The following GLRA3 variants were observed in gnomAD, a reference collection of about 807,000 sequenced individuals.
The protein encoded by GLRA3 is glycine receptor subunit alpha-3.
A neutral mutation model predicts 60.4 loss-of-function variants in GLRA3; 44 were observed. The observed-to-expected ratio is 0.73, with a 90% CI of 0.57 to 0.94. The LOEUF (loss-of-function observed/expected upper bound fraction) is 0.94, where lower values mean the gene tolerates loss of function less well. GLRA3 is among the 40% of genes least tolerant of loss of function. The probability of loss-of-function intolerance (pLI) is 0.00; values close to 1 mark genes in which losing one functional copy is unlikely to be tolerated. For missense variants in GLRA3, 508 were observed against 564.6 expected (o/e 0.90, Z 1.02); for synonymous variants, 223 against 192.9 (o/e 1.16, Z -1.29).
At chr4:174,698,442 G>A (rs2111038169) in intron 5 of GLRA3, among the ~76,000 whole-genome samples, 1 of 152,186 alleles carries the variant, frequency 6.6e-6, no homozygotes, top group South Asian at 2.1e-4. Context: ...TCCCACTTCA[G>A]CCTCCCAAAT....
Position 174,719,765 on chromosome 4 carries a change from T to C in GLRA3, c.492-4195A>G, listed in dbSNP as rs536250913. 2.4e-4 allele frequency among the ~76,000 whole-genome samples: 36 copies of C among 152,160 alleles called. 2 individuals are homozygous for C. Among genetic ancestry groups the C allele is most frequent in the Admixed American group, 5.9e-4 (9 of 15,276 alleles). On this transcript the variant is annotated intron_variant, in intron 4 of 9. Coordinates refer to ENST00000274093, the MANE Select transcript of GLRA3 (RefSeq NM_006529.4). The stretch of plus-strand genomic sequence containing the variant: ...AAAGCAATCTCATTATTGTTGATGG[T>C]TTCTTTATGAAGCTATGGACCGCTT...
chr4:174,771,204 CA>C (rs1738372052), intron 2 of GLRA3, among the ~76,000 whole-genome samples: 1 of 151,854 alleles, frequency 6.6e-6, no homozygotes, highest in South Asian at 2.1e-4. Context: ...GCACATTGTG[CA>C]CATGTAACTT....
At chr4:174,646,363 G>A (rs1276853544) in intron 9 of GLRA3, among the ~76,000 whole-genome samples, 1 of 152,188 alleles carries the variant, frequency 6.6e-6, no homozygotes, top group Non-Finnish European at 1.5e-5. Context: ...ATAGCTGAGG[G>A]TGAGTAAAGA....
rs1455747183 is a variant in GLRA3, at chr4:174,760,614, G to T, written c.267+6349C>A. Among the ~76,000 whole-genome samples, 6 of 152,156 alleles carry T rather than the reference G, an allele frequency of 3.9e-5. No individual in the cohort carries two copies. In the East Asian group the frequency reaches 9.7e-4, roughly 25 times the overall value. ...CAGCTGGCTGCAAACTCCGCCTCCT[G>T]GGTTCAAGCAATTCTCCTGCCTCAG... On this transcript the variant is annotated intron_variant, in intron 3 of 9. Transcript: ENST00000274093.
intron 6 of GLRA3, among the ~76,000 whole-genome samples, chr4:174,680,425 T>C (rs188002090): frequency 9.9e-5 from 15 of 152,248 alleles, no homozygotes; most frequent in Admixed American, 8.5e-4. Flanking sequence ...TAATTTCAGA[T>C]GGTGAAAGCA....
intron 6 of GLRA3, 109 bp from the exon 7 acceptor site, chr4:174,677,401 C>T: frequency 1.5e-6 from 1 of 664,156 alleles, no homozygotes; most frequent in African/African-American, 1.8e-5. Context: ...ACTCTGTCCC[C>T]CAGGCTGGAG....
At chr4:174,659,251 T>A in intron 7 of GLRA3, 54 bp from the exon 8 acceptor site, 1 of 1,381,762 alleles carries the variant, frequency 7.2e-7, no homozygotes, top group Non-Finnish European at 1.0e-6. Flanking sequence ...GTTACTTCCT[T>A]TGAGAACAAA....
At chr4:174,701,427 A>C (rs1022467854) in intron 5 of GLRA3, among the ~76,000 whole-genome samples, 1 of 152,190 alleles carries the variant, frequency 6.6e-6, no homozygotes, top group African/African-American at 2.4e-5. Context: ...CAGTCAACCA[A>C]GAGCTCTGAT....
rs189177345 is a variant in GLRA3, at chr4:174,673,570, C to T, written c.927+3508G>A. On this transcript the variant is annotated intron_variant, in intron 7 of 9. Transcript: ENST00000274093. Reference sequence around the variant, plus strand: ...TTCTGTTTATGGGTAGGGATAGCCCCGGGAGGGGAACAGAGAGAGAAGATT... The same window carrying T: ...TTCTGTTTATGGGTAGGGATAGCCCTGGGAGGGGAACAGAGAGAGAAGATT... Among the ~76,000 whole-genome samples the T allele has an allele frequency of 5.3e-5, 8 of 152,112 alleles. No homozygotes were observed. In the South Asian group the frequency reaches 6.2e-4, roughly 12 times the overall value.
intron 1 of GLRA3, among the ~76,000 whole-genome samples, chr4:174,790,380 TA>T (rs1308719225): frequency 6.6e-6 from 1 of 151,414 alleles, no homozygotes; most frequent in Non-Finnish European, 1.5e-5. Context: ...TAATAATAAA[TA>T]TATTTTTTTA....
At chr4:174,650,114 C>T (rs948411032) in intron 9 of GLRA3, among the ~76,000 whole-genome samples, 14 of 152,078 alleles carry the variant, frequency 9.2e-5, no homozygotes, top group Non-Finnish European at 1.2e-4. Context: ...CCCATGAGTC[C>T]ACTTACAAGG....
intron 2 of GLRA3, among the ~76,000 whole-genome samples, chr4:174,776,358 G>A (rs1738599341): frequency 6.6e-6 from 1 of 152,046 alleles, no homozygotes; most frequent in South Asian, 2.1e-4. Flanking sequence ...TAGCACCCAA[G>A]CTAATCACCC....
intron 7 of GLRA3, among the ~76,000 whole-genome samples, chr4:174,663,008 T>C (rs1204685780): frequency 1.3e-5 from 2 of 152,122 alleles, no homozygotes; most frequent in African/African-American, 4.8e-5. Context: ...AACTGAATCA[T>C]AGATGACATA....
intron 1 of GLRA3, among the ~76,000 whole-genome samples, chr4:174,823,771 A>C (rs1425179258): frequency 6.6e-6 from 1 of 152,188 alleles, no homozygotes; most frequent in Non-Finnish European, 1.5e-5. Flanking sequence ...GATTAGCTGA[A>C]ATTAGAGAAA....
intron 5 of GLRA3, among the ~76,000 whole-genome samples, chr4:174,703,277 A>G (rs1735393182): frequency 6.6e-6 from 1 of 152,148 alleles, no homozygotes; most frequent in African/African-American, 2.4e-5. Flanking sequence ...TGGCTGCCCT[A>G]GAGGTAAAAG....
chr4:174,662,420 T>A (rs1423591269), intron 7 of GLRA3, among the ~76,000 whole-genome samples: 3 of 152,166 alleles, frequency 2.0e-5, no homozygotes, highest in Non-Finnish European at 4.4e-5. Context: ...TCAGGCTGGG[T>A]TCAAACTAAT....
intron 1 of GLRA3, among the ~76,000 whole-genome samples, chr4:174,824,389 A>T (rs1740873597): frequency 6.6e-6 from 1 of 152,200 alleles, no homozygotes; most frequent in African/African-American, 2.4e-5. Context: ...ACCTCTGAAG[A>T]AGAACCGATA....
rs1732550872 is a variant in GLRA3, at chr4:174,638,368, C to T, written c.*5418G>A. The T allele has an allele frequency of 1.3e-5, 2 of 152,256 alleles. No individual in the cohort carries two copies. The highest frequency in any genetic ancestry group is 4.8e-5 in the African/African-American group (2 of 41,448). 9.4% of individuals were successfully genotyped at this position (152,256 alleles called of 1,614,324 possible). ...AGTGCAGTGGTGCGATCTTGGCTCA[C>T]TGCAACCTCCATCTCCTGGGCTCAA... On this transcript the variant is annotated 3_prime_UTR_variant, in exon 10 of 10. Transcript: ENST00000274093.
intron 5 of GLRA3, among the ~76,000 whole-genome samples, chr4:174,703,018 GT>G (rs1237183268): frequency 6.6e-6 from 1 of 152,050 alleles, no homozygotes; most frequent in East Asian, 1.9e-4. Context: ...CTTGGGCAAG[GT>G]TTTGCTTTTT....
Sources: allele counts gnomAD v4.1 joint callset (sites outside exome capture counted in the v4.1 genomes callset), GRCh38; gene constraint gnomAD v4.1.1; transcripts MANE v1.5; gene names NCBI Gene and HGNC (gene_info 2026-07-23, HGNC 2026-07-21).